TAFA1: variants seen among roughly 807,000 people sequenced by gnomAD.
TAFA1 encodes chemokine-like protein TAFA-1.
Under a neutral mutation model 18.5 loss-of-function variants are expected in TAFA1, and 4 were observed. That is an observed-to-expected ratio of 0.22 (90% CI 0.11 to 0.49). TAFA1 has a LOEUF of 0.49. TAFA1 is among the 20% of genes least tolerant of loss of function. TAFA1 has a pLI of 0.98. For synonymous variants in TAFA1, 56 were observed against 55.2 expected, an observed-to-expected ratio of 1.01 and a Z score of -0.06; for missense variants, 147 against 169.0, an observed-to-expected ratio of 0.87 and a Z score of 0.72.
chr3:68,524,679 G>A (rs544920846), intron 3 of TAFA1, among the ~76,000 whole-genome samples: 1 of 149,880 alleles, frequency 6.7e-6, no homozygotes, highest in East Asian at 2.0e-4. Flanking sequence ...TTTTGTTTTT[G>A]TTTTTTTTTG....
At position 68,407,366 on chromosome 3, in the gene TAFA1, C is replaced by T. The variant is rs563539365; in HGVS notation, c.119-9914C>T. Among the ~76,000 whole-genome samples the T allele has an allele frequency of 6.6e-5, 10 of 152,198 alleles. No individual in the cohort carries two copies. In the East Asian group the frequency reaches 9.7e-4, roughly 15 times the overall value. The stretch of plus-strand genomic sequence containing the variant: ...ATTCACCCTGGATGTCAGTGTTAGT[C>T]TCTGGAAACTGAATCACAGCATGAA... On this transcript the variant is annotated intron_variant, in intron 2 of 4. Coordinates refer to ENST00000478136, the MANE Select transcript of TAFA1 (RefSeq NM_213609.4).
intron 3 of TAFA1, among the ~76,000 whole-genome samples, chr3:68,520,022 C>G (rs899859651): frequency 4.6e-5 from 7 of 152,110 alleles, no homozygotes; most frequent in Non-Finnish European, 1.0e-4. Flanking sequence ...GGAAGGGGAT[C>G]GTATGACCAA....
At chr3:68,374,990 C>G (rs867852311) in intron 2 of TAFA1, among the ~76,000 whole-genome samples, 3 of 152,100 alleles carry the variant, frequency 2.0e-5, no homozygotes, top group Admixed American at 6.5e-5. Context: ...ATGGCTTCGT[C>G]AACTCTCCAT....
chr3:68,038,142 C>A (rs183941444), intron 2 of TAFA1, among the ~76,000 whole-genome samples: 301 of 152,136 alleles, frequency 2.0e-3, no homozygotes, highest in Non-Finnish European at 2.9e-3. Flanking sequence ...ACTGTCTTGC[C>A]TTGTAGAATT....
chr3:68,509,972 T>C (rs756893384), intron 3 of TAFA1, among the ~76,000 whole-genome samples: 2 of 152,238 alleles, frequency 1.3e-5, no homozygotes, highest in African/African-American at 2.4e-5. Context: ...ACTCATGTTA[T>C]ATGTAACTTC....
chr3:68,433,824 A>C (rs946451038), intron 3 of TAFA1, among the ~76,000 whole-genome samples: 4 of 152,144 alleles, frequency 2.6e-5, no homozygotes, highest in African/African-American at 9.6e-5. Context: ...CTGAATAAGT[A>C]TTAGTTCTAA....
At position 68,502,962 on chromosome 3, in the gene TAFA1, A is replaced by T. The variant is rs188324014; in HGVS notation, c.260-35794A>T. ...ACCAGCGGGGGAATAGCTAAACAAAATGTGATGTATCCATGCAATGGAATA... is the reference window on the plus strand; with the variant it reads ...ACCAGCGGGGGAATAGCTAAACAAATTGTGATGTATCCATGCAATGGAATA... On this transcript the variant is annotated intron_variant, in intron 3 of 4. Transcript: ENST00000478136. Among the ~76,000 whole-genome samples, 114 of 152,302 alleles carry T rather than the reference A, an allele frequency of 7.5e-4. 1 individual carries two copies. In the East Asian group the frequency reaches 0.019, roughly 25 times the overall value.
chr3:68,273,934 A>G (rs2067732307), intron 2 of TAFA1, among the ~76,000 whole-genome samples: 1 of 152,154 alleles, frequency 6.6e-6, no homozygotes, highest in African/African-American at 2.4e-5. Context: ...TAATTTCTAA[A>G]AATCTCTAAG....
At chr3:68,290,437 A>G (rs1231370907) in intron 2 of TAFA1, among the ~76,000 whole-genome samples, 1 of 152,108 alleles carries the variant, frequency 6.6e-6, no homozygotes, top group Non-Finnish European at 1.5e-5. Context: ...TCTTTTAACT[A>G]CCCTTTCTCA....
chr3:68,541,900 T>C (rs186736408), intron 4 of TAFA1, among the ~76,000 whole-genome samples: 4 of 152,266 alleles, frequency 2.6e-5, no homozygotes, highest in Admixed American at 2.0e-4. Flanking sequence ...CAAAGTCTGA[T>C]CTAATTTAAA....
intron 2 of TAFA1, among the ~76,000 whole-genome samples, chr3:68,344,221 CAG>C (rs1393609174): frequency 2.6e-5 from 4 of 152,012 alleles, no homozygotes; most frequent in African/African-American, 7.2e-5. Flanking sequence ...TTTTTTCAAA[CAG>C]ATGTTAAAAC....
At chr3:68,264,739 T>G (rs146769389) in intron 2 of TAFA1, among the ~76,000 whole-genome samples, 3 of 146,198 alleles carry the variant, frequency 2.1e-5, no homozygotes, top group African/African-American at 5.5e-5. Flanking sequence ...TTATATTCTA[T>G]ATAATTTCTA....
chr3:67,996,707 G>A, the TAFA1 span, among the ~76,000 whole-genome samples: 3 of 151,982 alleles, frequency 2.0e-5, no homozygotes, highest in Admixed American at 1.3e-4. Context: ...GCTGAGGGAT[G>A]AGAATTCCCT....
chr3:68,248,988 G>A (rs1012282999), intron 2 of TAFA1, among the ~76,000 whole-genome samples: 6 of 151,908 alleles, frequency 3.9e-5, no homozygotes, highest in East Asian at 1.9e-4. Flanking sequence ...CTCTCTTCAC[G>A]GTATGAAAGC....
chr3:68,267,726 C>T (rs1334070731), intron 2 of TAFA1, among the ~76,000 whole-genome samples: 1 of 152,014 alleles, frequency 6.6e-6, no homozygotes, highest in Non-Finnish European at 1.5e-5. Context: ...TTATATGGAT[C>T]TATGCATGTT....
intron 2 of TAFA1, among the ~76,000 whole-genome samples, chr3:68,111,218 G>A (rs1047546857): frequency 6.6e-6 from 1 of 152,140 alleles, no homozygotes; most frequent in Non-Finnish European, 1.5e-5. Context: ...CACATTTTGG[G>A]TAGGTGCAAT....
intron 3 of TAFA1, among the ~76,000 whole-genome samples, chr3:68,437,361 T>G (rs1202262225): frequency 1.3e-5 from 2 of 152,234 alleles, no homozygotes; most frequent in African/African-American, 4.8e-5. Context: ...GTCCATTTTC[T>G]TATGGACTTT....
intron 2 of TAFA1, among the ~76,000 whole-genome samples, chr3:68,028,472 G>C (rs983610996): frequency 6.6e-6 from 1 of 152,064 alleles, no homozygotes; most frequent in Admixed American, 6.6e-5. Flanking sequence ...GCTGTAACAA[G>C]TTACCACAAA....
intron 3 of TAFA1, among the ~76,000 whole-genome samples, chr3:68,494,689 T>A (rs903945211): frequency 6.6e-6 from 1 of 152,246 alleles, no homozygotes; most frequent in African/African-American, 2.4e-5. Context: ...TCTGGGCTGA[T>A]TATTTTTTAT....
Sources: gnomAD v4.1 joint callset for allele counts (sites outside exome capture counted in the v4.1 genomes callset) on GRCh38, gnomAD v4.1.1 for gene constraint, MANE v1.5 for transcripts, NCBI Gene and HGNC (gene_info 2026-07-23, HGNC 2026-07-21) for gene names.